Variants in SEMA3A observed in about 807,000 individuals in gnomAD.
The protein encoded by SEMA3A is semaphorin-3A.
In SEMA3A, 29 loss-of-function variants were observed where a neutral mutation model predicts 97.9. The ratio of observed to expected loss-of-function variants is 0.30; its 90% CI spans 0.22 to 0.40. The LOEUF is 0.40. Ranked by LOEUF, SEMA3A falls within the 10% of genes least tolerant of loss-of-function variation. The pLI is 1.00. For synonymous variants in SEMA3A, 321 were observed against 323.7 expected (o/e 0.99, Z 0.09); for missense variants, 763 against 951.3 (o/e 0.80, Z 2.60).
At chr7:84,173,568 A>C (rs1452619171) in intron 1 of SEMA3A, among the ~76,000 whole-genome samples, 1 of 135,046 alleles carries the variant, frequency 7.4e-6, no homozygotes, top group Non-Finnish European at 1.7e-5. Flanking sequence ...TCAAAAAAAA[A>C]AAAAAAAAAA....
intron 5 of SEMA3A, 48 bp from the exon 6 acceptor site, chr7:84,046,491 A>AAAAAC (rs752121396): frequency 1.0e-4 from 166 of 1,605,794 alleles, no homozygotes; most frequent in Non-Finnish European, 1.3e-4. Context: ...CAATTAAGGC[A>AAAAAC]AAAACAAAAC....
chr7:84,099,583 A>C (rs2115892324), intron 4 of SEMA3A, among the ~76,000 whole-genome samples: 1 of 152,272 alleles, frequency 6.6e-6, no homozygotes, highest in South Asian at 2.1e-4. Context: ...AGGAGTTAAA[A>C]TTAAATGTGC....
chr7:83,995,070 C>A (rs928168378), intron 12 of SEMA3A, among the ~76,000 whole-genome samples: 13 of 152,108 alleles, frequency 8.5e-5, no homozygotes, highest in African/African-American at 3.1e-4. Context: ...GTGGGAGTGA[C>A]CCGATTTTCC....
intron 3 of SEMA3A, among the ~76,000 whole-genome samples, chr7:84,273,605 AC>A (rs1800210222): frequency 6.6e-6 from 1 of 152,128 alleles, no homozygotes; most frequent in African/African-American, 2.4e-5. Context: ...GAAATGTCCC[AC>A]CCAAACCATC....
chr7:84,313,354 GTGTATA>G (rs1400208823), intron 2 of SEMA3A, among the ~76,000 whole-genome samples: 807 of 36,758 alleles, frequency 0.022, 24 homozygotes, highest in Non-Finnish European at 0.031. Flanking sequence ...ATATGTGTGT[GTGTATA>G]TATATATATA....
chr7:84,454,427 A>G (rs1040927130), intron 1 of SEMA3A, among the ~76,000 whole-genome samples: 1 of 152,150 alleles, frequency 6.6e-6, no homozygotes, highest in Non-Finnish European at 1.5e-5. Flanking sequence ...ACCTGTGTAT[A>G]GAGGAGCTGA....
chr7:84,302,985 G>A (rs1801058540), intron 3 of SEMA3A, among the ~76,000 whole-genome samples: 1 of 152,214 alleles, frequency 6.6e-6, no homozygotes. Context: ...AGAACAGTTT[G>A]AGGAAAGAAG....
intron 4 of SEMA3A, among the ~76,000 whole-genome samples, chr7:84,094,727 C>A (rs572981079): frequency 6.6e-6 from 1 of 152,152 alleles, no homozygotes; most frequent in East Asian, 1.9e-4. Flanking sequence ...CTTTGCAACA[C>A]AAAAACTCAC....
At chr7:84,244,338 A>G (rs745503981) in intron 3 of SEMA3A, among the ~76,000 whole-genome samples, 7 of 152,158 alleles carry the variant, frequency 4.6e-5, no homozygotes, top group Non-Finnish European at 8.8e-5. Context: ...CTTTACCACT[A>G]TATAATGCCC....
intron 2 of SEMA3A, among the ~76,000 whole-genome samples, chr7:84,338,408 C>T (rs1017692972): frequency 6.6e-6 from 1 of 151,840 alleles, no homozygotes; most frequent in Admixed American, 6.6e-5. Flanking sequence ...ACATTCCTCC[C>T]AAATTTTTGC....
intron 5 of SEMA3A, among the ~76,000 whole-genome samples, chr7:84,055,305 C>G (rs188747472): frequency 6.6e-6 from 1 of 152,120 alleles, no homozygotes; most frequent in Non-Finnish European, 1.5e-5. Context: ...CCCCCCGCCT[C>G]GCTGCGGCCT....
chr7:84,465,795 A>T (rs1011238010), intron 1 of SEMA3A, among the ~76,000 whole-genome samples: 1 of 152,016 alleles, frequency 6.6e-6, no homozygotes. Flanking sequence ...TTGACTACTT[A>T]TTGCCTTCAT....
chr7:84,313,390 ATATATATATATATAT>A lies in SEMA3A; in HGVS notation c.-168-6113_-168-6099del, dbSNP rs1801409180. ...TATATATATATATATATATATATAT[ATATATATATATATAT>A]AAACTATACGTGACTCCTGATAAGA... On this transcript the variant is annotated intron_variant, in intron 2 of 3. Coordinates refer to the SEMA3A transcript ENST00000424555. Among the ~76,000 whole-genome samples, 7 of 91,974 alleles carry A rather than the reference ATATATATATATATAT, an allele frequency of 7.6e-5. 1 individual carries two copies. Among genetic ancestry groups the A allele is most frequent in the African/African-American group, 6.7e-5 (2 of 29,936 alleles). 60.3% of individuals were successfully genotyped at this position (91,974 alleles called of 152,430 possible). A position where few individuals can be genotyped will look rare whatever the true frequency, so the allele number is the denominator to read the frequency against.
intron 1 of SEMA3A, among the ~76,000 whole-genome samples, chr7:84,150,716 C>T (rs1468732472): frequency 5.3e-5 from 8 of 152,144 alleles, no homozygotes; most frequent in African/African-American, 1.2e-4. Flanking sequence ...AGCTGGGAAG[C>T]TGGAACTGGG....
At chr7:84,157,485 G>T (rs574069645) in intron 1 of SEMA3A, among the ~76,000 whole-genome samples, 3 of 152,148 alleles carry the variant, frequency 2.0e-5, no homozygotes, top group Non-Finnish European at 4.4e-5. Flanking sequence ...TAATGTTAAG[G>T]GGACGCTGGA....
intron 1 of SEMA3A, among the ~76,000 whole-genome samples, chr7:84,473,968 G>C (rs1806216989): frequency 6.6e-6 from 1 of 152,138 alleles, no homozygotes; most frequent in African/African-American, 2.4e-5. Flanking sequence ...GGATCTTGTT[G>C]AAGATCTGAA....
chr7:84,150,638 T>A (rs1328158643), intron 1 of SEMA3A, among the ~76,000 whole-genome samples: 1 of 152,040 alleles, frequency 6.6e-6, no homozygotes, highest in Non-Finnish European at 1.5e-5. Flanking sequence ...GAGATCAAAC[T>A]GCAAGGCGGC....
chr7:84,331,109 T>A (rs2115948344), intron 2 of SEMA3A, among the ~76,000 whole-genome samples: 1 of 152,260 alleles, frequency 6.6e-6, no homozygotes, highest in East Asian at 1.9e-4. Flanking sequence ...TATGGTTTTC[T>A]TTTTTGAACT....
intron 2 of SEMA3A, among the ~76,000 whole-genome samples, chr7:84,133,886 TAAAA>T (rs60263065): frequency 3.8e-5 from 3 of 78,856 alleles, no homozygotes; most frequent in Non-Finnish European, 7.5e-5. Context: ...TCGTCTCTAC[TAAAA>T]AAAAAAAAAA....
Sources: allele counts gnomAD v4.1 joint callset (sites outside exome capture counted in the v4.1 genomes callset), GRCh38; gene constraint gnomAD v4.1.1; transcripts MANE v1.5; gene names NCBI Gene and HGNC (gene_info 2026-07-23, HGNC 2026-07-21).